IRAK1BP1: variants seen among roughly 807,000 people sequenced by gnomAD.
IRAK1BP1 encodes the protein interleukin-1 receptor-associated kinase 1-binding protein 1.
In IRAK1BP1, 24 loss-of-function variants were observed where a neutral mutation model predicts 28.0. The observed-to-expected ratio is 0.86, with a 90% confidence interval of 0.62 to 1.20. The LOEUF (loss-of-function observed/expected upper bound fraction) is 1.20. Among genes scored for constraint, IRAK1BP1 ranks in the 50% most tolerant of loss-of-function variants. IRAK1BP1 has a pLI of 0.00. For synonymous variants in IRAK1BP1, 131 were observed against 116.3 expected (o/e 1.13, Z -0.81); for missense variants, 336 against 316.7 (o/e 1.06, Z -0.46).
the IRAK1BP1 span, chr6:78,969,753 C>A: frequency 1.6e-6 from 1 of 619,588 alleles, no homozygotes; most frequent in Non-Finnish European, 2.7e-6. Context: ...TAATCTTTTT[C>A]TCAATTATGA....
Position 78,898,195 on chromosome 6 carries a change from T to C in IRAK1BP1, c.644T>C (p.Ile215Thr), listed in dbSNP as rs765759154. 1.7e-5 allele frequency: 27 copies of C among 1,613,668 alleles called. No individual in the cohort carries two copies. The highest frequency in any genetic ancestry group is 2.3e-5 in the Non-Finnish European group (27 of 1,179,894). The part of the protein sequence containing the change: ...EEETKEWEGQ[I>T]DDHQSSRLSS... ...GAAACAAAAGAATGGGAAGGCCAAA[T>C]AGATGATCACCAGTCATCCAGACTC... The change falls in exon 4 of 4, where the codon ATA becomes ACA. Residue 215 changes from isoleucine to threonine, a missense_variant. Ile to Thr is a moderately conservative substitution (Grantham distance 89). Transcript: ENST00000369940.
chr6:78,926,114 C>T (rs1403293196), intron 4 of IRAK1BP1, among the ~76,000 whole-genome samples: 1 of 152,040 alleles, frequency 6.6e-6, no homozygotes, highest in Non-Finnish European at 1.5e-5. Context: ...ATCACAATCA[C>T]AATTAGATAA....
At chr6:78,940,500 A>ATATATATATGTATATATT (rs1242536532) in intron 4 of IRAK1BP1, 2 of 42,350 alleles carry the variant, frequency 4.7e-5, no homozygotes, top group African/African-American at 1.2e-4. Flanking sequence ...ATATATTTAT[A>ATATATATATGTATATATT]TATATATATA....
chr6:78,954,154 T>A, the IRAK1BP1 span, among the ~76,000 whole-genome samples: 1 of 152,124 alleles, frequency 6.6e-6, no homozygotes, highest in Non-Finnish European at 1.5e-5. Context: ...CAGGCTGGAG[T>A]ACGGCAGTGG....
At chr6:78,979,168 A>T in the IRAK1BP1 span, among the ~76,000 whole-genome samples, 1 of 152,084 alleles carries the variant, frequency 6.6e-6, no homozygotes. Context: ...CTACTGAGAG[A>T]TGACTATCCT....
the IRAK1BP1 span, chr6:78,978,500 G>A: frequency 3.1e-6 from 3 of 965,280 alleles, no homozygotes; most frequent in African/African-American, 1.6e-5. Context: ...TTACAAAACT[G>A]CTTCTATTTT....
chr6:78,917,950 T>A (rs553540377), intron 4 of IRAK1BP1, among the ~76,000 whole-genome samples: 51 of 152,324 alleles, frequency 3.3e-4, no homozygotes, highest in African/African-American at 1.2e-3. Context: ...GAAAGAATGA[T>A]AACTGCTACC....
At chr6:78,923,724 G>T (rs9361472) in intron 4 of IRAK1BP1, among the ~76,000 whole-genome samples, 67,873 of 151,880 alleles carry the variant, frequency 0.45, 15,781 homozygotes, top group East Asian at 0.69. Flanking sequence ...CTGTGTCTCA[G>T]ACCACAGTGC....
the IRAK1BP1 span, chr6:78,957,454 A>C: frequency 6.6e-6 from 1 of 151,878 alleles, no homozygotes; most frequent in Non-Finnish European, 1.5e-5. Flanking sequence ...CACAAACTTT[A>C]CCTTATTAAT....
At chr6:78,978,506 A>G in the IRAK1BP1 span, 15 of 1,091,696 alleles carry the variant, frequency 1.4e-5, no homozygotes, top group East Asian at 2.5e-5. Flanking sequence ...AACTGCTTCT[A>G]TTTTCCAGAA....
the IRAK1BP1 span, among the ~76,000 whole-genome samples, chr6:78,953,818 TCAG>T: frequency 6.6e-6 from 1 of 152,252 alleles, no homozygotes; most frequent in African/African-American, 2.4e-5. Flanking sequence ...ACTCCTGGCC[TCAG>T]GTGATCCGCC....
chr6:78,945,232 G>T, intron 4 of IRAK1BP1: 1 of 1,182,506 alleles, frequency 8.5e-7, no homozygotes, highest in Non-Finnish European at 1.3e-6. Context: ...TATAAATGCT[G>T]ATTCCAACAA....
At chr6:78,966,895 A>G in the IRAK1BP1 span, among the ~76,000 whole-genome samples, 98 of 152,362 alleles carry the variant, frequency 6.4e-4, 1 homozygote, top group South Asian at 8.1e-3. Context: ...ACGTATCTGT[A>G]TAACTTTGAA....
chr6:78,969,899 G>A, the IRAK1BP1 span: 50 of 1,599,186 alleles, frequency 3.1e-5, 1 homozygote, highest in South Asian at 4.4e-4. Flanking sequence ...AATCTATAAC[G>A]TCAGGCATAT....
At chr6:78,867,954 G>A in intron 1 of IRAK1BP1, 63 bp downstream of exon 1, 1 of 1,445,898 alleles carries the variant, frequency 6.9e-7, no homozygotes, top group Non-Finnish European at 9.2e-7. Context: ...CAGATGGTCG[G>A]GCCCCACAGG....
intron 4 of IRAK1BP1, among the ~76,000 whole-genome samples, chr6:78,924,593 A>C (rs1016953098): frequency 5.3e-5 from 8 of 152,214 alleles, no homozygotes; most frequent in Admixed American, 3.9e-4. Context: ...CTGATACCAA[A>C]GCCTGGCAGA....
At chr6:78,875,651 T>C (rs975799614) in intron 1 of IRAK1BP1, among the ~76,000 whole-genome samples, 2 of 152,132 alleles carry the variant, frequency 1.3e-5, no homozygotes, top group Non-Finnish European at 2.9e-5. Flanking sequence ...TTCTCACTTA[T>C]AAGTGAGAAG....
the IRAK1BP1 span, among the ~76,000 whole-genome samples, chr6:78,973,793 TG>T: frequency 6.6e-6 from 1 of 151,800 alleles, no homozygotes; most frequent in African/African-American, 2.4e-5. Context: ...CATTACATAA[TG>T]GTAAAGGGGT....
intron 4 of IRAK1BP1, among the ~76,000 whole-genome samples, chr6:78,929,912 T>C (rs2127669644): frequency 7.2e-6 from 1 of 138,138 alleles, no homozygotes; most frequent in Middle Eastern, 3.5e-3. Flanking sequence ...TCAAATAAAT[T>C]GAATCATAAT....
Sources: allele counts gnomAD v4.1 joint callset (sites outside exome capture counted in the v4.1 genomes callset), GRCh38; gene constraint gnomAD v4.1.1; transcripts MANE v1.5; gene names NCBI Gene and HGNC (gene_info 2026-07-23, HGNC 2026-07-21).